UNC13C: variants seen among roughly 807,000 people sequenced by gnomAD.
UNC13C encodes the protein protein unc-13 homolog C.
A neutral mutation model predicts 245.4 loss-of-function variants in UNC13C; 174 were observed. The observed-to-expected ratio is 0.71, with a 90% confidence interval of 0.63 to 0.80. UNC13C has a LOEUF of 0.80. Among genes scored for constraint, UNC13C ranks in the 30% least tolerant of loss-of-function variants. The pLI is 0.00. For missense variants in UNC13C, 2,829 were observed against 2,602.9 expected (o/e 1.09, Z -1.89); for synonymous variants, 992 against 895.1 (o/e 1.11, Z -1.93).
At chr15:54,610,828 A>G (rs1236921223) in intron 30 of UNC13C, among the ~76,000 whole-genome samples, 3 of 152,206 alleles carry the variant, frequency 2.0e-5, no homozygotes, top group Non-Finnish European at 2.9e-5. Context: ...TACCTTTTAC[A>G]TACACTGCAT....
chr15:54,321,884 T>C, intron 13 of UNC13C, 55 bp from the exon 14 acceptor site: 3 of 1,492,034 alleles, frequency 2.0e-6, no homozygotes, highest in Non-Finnish European at 2.7e-6. Flanking sequence ...GCTCTGTTGT[T>C]GTATGAATTA....
chr15:53,973,592 A>AC (rs1411856780), upstream of UNC13C, among the ~76,000 whole-genome samples: 1 of 151,666 alleles, frequency 6.6e-6, no homozygotes, highest in Non-Finnish European at 1.5e-5. Context: ...AATTAAAAAA[A>AC]AAAATCCAAA....
chr15:54,570,184 A>G (rs1390675143), intron 30 of UNC13C, among the ~76,000 whole-genome samples: 1 of 152,114 alleles, frequency 6.6e-6, no homozygotes, highest in South Asian at 2.1e-4. Context: ...AGTGAAATCT[A>G]TTTCATATCA....
At chr15:53,903,772 G>C in the UNC13C span, among the ~76,000 whole-genome samples, 1 of 152,194 alleles carries the variant, frequency 6.6e-6, no homozygotes, top group Non-Finnish European at 1.5e-5. Flanking sequence ...TGGACAAAAA[G>C]CCATATGTAT....
At chr15:54,282,972 A>C (rs145522596) in intron 10 of UNC13C, among the ~76,000 whole-genome samples, 1 of 152,262 alleles carries the variant, frequency 6.6e-6, no homozygotes, top group Non-Finnish European at 1.5e-5. Flanking sequence ...GTGAGTATGC[A>C]AAAAAGGTTA....
intron 2 of UNC13C, among the ~76,000 whole-genome samples, chr15:54,044,970 T>A (rs1356136229): frequency 6.6e-6 from 1 of 152,178 alleles, no homozygotes; most frequent in Non-Finnish European, 1.5e-5. Flanking sequence ...ATATTCTAGT[T>A]ACAAGTCCCT....
At chr15:54,411,390 GT>G (rs2040413829) in intron 18 of UNC13C, among the ~76,000 whole-genome samples, 1 of 152,048 alleles carries the variant, frequency 6.6e-6, no homozygotes, top group African/African-American at 2.4e-5. Flanking sequence ...ACACCTTTGT[GT>G]TACATCTAGA....
chr15:54,270,325 C>G (rs1250421608), intron 10 of UNC13C, among the ~76,000 whole-genome samples: 2 of 152,204 alleles, frequency 1.3e-5, no homozygotes, highest in African/African-American at 4.8e-5. Context: ...GCCCTGTGAA[C>G]TGGGGTGGAA....
chr15:54,431,889 T>C (rs2140976040), intron 19 of UNC13C, among the ~76,000 whole-genome samples: 1 of 151,794 alleles, frequency 6.6e-6, no homozygotes, highest in South Asian at 2.1e-4. Flanking sequence ...AAATAATTCA[T>C]ATATTCCTAG....
At chr15:54,029,435 C>T (rs1331418781) in intron 2 of UNC13C, among the ~76,000 whole-genome samples, 4 of 152,200 alleles carry the variant, frequency 2.6e-5, no homozygotes, top group Admixed American at 2.6e-4. Flanking sequence ...ACAATTATTT[C>T]TTGAGCTGAC....
At chr15:53,997,010 T>C (rs1402692123) in intron 1 of UNC13C, among the ~76,000 whole-genome samples, 1 of 152,178 alleles carries the variant, frequency 6.6e-6, no homozygotes, top group African/African-American at 2.4e-5. Context: ...AAGGTGATTT[T>C]ATTTTACATT....
chr15:54,323,208 C>T (rs1317194154), intron 14 of UNC13C, among the ~76,000 whole-genome samples: 1 of 151,658 alleles, frequency 6.6e-6, no homozygotes, highest in African/African-American at 2.4e-5. Context: ...GAGTGAAAAC[C>T]CAATAGGGAA....
chr15:53,959,544 A>G, the UNC13C span, among the ~76,000 whole-genome samples: 1 of 151,844 alleles, frequency 6.6e-6, no homozygotes, highest in Non-Finnish European at 1.5e-5. Context: ...TCTTAGTTTA[A>G]CTCTGTTGAT....
At chr15:53,858,815 T>C in the UNC13C span, among the ~76,000 whole-genome samples, 2 of 152,210 alleles carry the variant, frequency 1.3e-5, no homozygotes, top group Non-Finnish European at 1.5e-5. Context: ...AATATGCATA[T>C]GGTTAATATT....
chr15:54,487,569 C>G (rs1893478872), intron 19 of UNC13C, among the ~76,000 whole-genome samples: 1 of 151,878 alleles, frequency 6.6e-6, no homozygotes, highest in Non-Finnish European at 1.5e-5. Context: ...GAGTTTGGGA[C>G]CAGCCTGGCC....
intron 4 of UNC13C, among the ~76,000 whole-genome samples, chr15:54,176,286 G>A (rs1264332011): frequency 3.3e-5 from 5 of 152,000 alleles, no homozygotes; most frequent in Admixed American, 2.6e-4. Flanking sequence ...ATCATATTGT[G>A]GACCAGTGGC....
chr15:54,248,410 A>G (rs2036053161), intron 7 of UNC13C, among the ~76,000 whole-genome samples: 1 of 152,122 alleles, frequency 6.6e-6, no homozygotes, highest in Non-Finnish European at 1.5e-5. Flanking sequence ...GCCAAGGATT[A>G]TTTCATTTAT....
chr15:54,040,783 T>A (rs777284481), intron 2 of UNC13C, among the ~76,000 whole-genome samples: 1 of 152,228 alleles, frequency 6.6e-6, no homozygotes, highest in Non-Finnish European at 1.5e-5. Context: ...TAACAGTGTC[T>A]GCAACTGAGC....
At chr15:54,398,783 G>T (rs574508675) in intron 18 of UNC13C, among the ~76,000 whole-genome samples, 13 of 151,138 alleles carry the variant, frequency 8.6e-5, no homozygotes, top group Admixed American at 7.2e-4. Context: ...ATTTTTTTAT[G>T]TCTATTAAAT....
Sources: allele counts gnomAD v4.1 joint callset (sites outside exome capture counted in the v4.1 genomes callset), GRCh38; gene constraint gnomAD v4.1.1; transcripts MANE v1.5; gene names NCBI Gene and HGNC (gene_info 2026-07-23, HGNC 2026-07-21).